The following LHFPL3 variants were observed in gnomAD, a reference collection of about 807,000 sequenced individuals.
The protein encoded by LHFPL3 is LHFPL tetraspan subfamily member 3 protein.
A neutral mutation model predicts 19.3 loss-of-function variants in LHFPL3; 5 were observed. The observed-to-expected ratio is 0.26, with a 90% CI of 0.14 to 0.54. The LOEUF (loss-of-function observed/expected upper bound fraction) is 0.54, where lower values mean the gene tolerates loss of function less well. Among genes scored for constraint, LHFPL3 ranks in the 20% least tolerant of loss-of-function variants. The probability of loss-of-function intolerance (pLI) is 0.94; values close to 1 mark genes in which losing one functional copy is unlikely to be tolerated. For synonymous variants in LHFPL3, 133 were observed against 126.2 expected, an observed-to-expected ratio of 1.05 and a Z score of -0.36; for missense variants, 249 against 307.4, an observed-to-expected ratio of 0.81 and a Z score of 1.42.
chr7:104,330,050 C>A (rs1182506412), intron 1 of LHFPL3, among the ~76,000 whole-genome samples: 1 of 152,182 alleles, frequency 6.6e-6, no homozygotes, highest in Non-Finnish European at 1.5e-5. Context: ...TAAATTGTTG[C>A]TAGCTGGAGG....
At chr7:104,471,596 G>C (rs1792906862) in intron 1 of LHFPL3, among the ~76,000 whole-genome samples, 1 of 152,180 alleles carries the variant, frequency 6.6e-6, no homozygotes, top group African/African-American at 2.4e-5. Context: ...GAAAATTACT[G>C]AAATTAACTT....
chr7:104,718,581 C>A (rs1009060873), intron 1 of LHFPL3, among the ~76,000 whole-genome samples: 4 of 152,244 alleles, frequency 2.6e-5, no homozygotes, highest in African/African-American at 9.6e-5. Context: ...AGTGAGAATG[C>A]CTCCCTCTCT....
At chr7:104,777,586 G>A (rs887026016) in intron 2 of LHFPL3, among the ~76,000 whole-genome samples, 1 of 152,090 alleles carries the variant, frequency 6.6e-6, no homozygotes, top group Non-Finnish European at 1.5e-5. Flanking sequence ...AATTCCCTTG[G>A]CCTGATGCAA....
chr7:104,480,906 A>C, intron 1 of LHFPL3, among the ~76,000 whole-genome samples: 1 of 152,198 alleles, frequency 6.6e-6, no homozygotes, highest in Non-Finnish European at 1.5e-5. Flanking sequence ...TTTAGCGAAC[A>C]GTGAGACTTA....
chr7:104,331,712 G>A (rs901678899), intron 1 of LHFPL3, among the ~76,000 whole-genome samples: 1 of 152,156 alleles, frequency 6.6e-6, no homozygotes, highest in African/African-American at 2.4e-5. Flanking sequence ...CACTTTGGGA[G>A]GCTGAGGTAG....
chr7:104,616,588 A>G (rs1024768974), intron 1 of LHFPL3, among the ~76,000 whole-genome samples: 12 of 152,246 alleles, frequency 7.9e-5, no homozygotes, highest in Admixed American at 4.6e-4. Context: ...GAAAGACTTC[A>G]TGACTAAAAC....
At chr7:104,899,474 G>A (rs543124274) in intron 2 of LHFPL3, among the ~76,000 whole-genome samples, 2 of 152,222 alleles carry the variant, frequency 1.3e-5, no homozygotes, top group Non-Finnish European at 2.9e-5. Context: ...GAGAGAGAGA[G>A]AGTACCTCTG....
intron 1 of LHFPL3, among the ~76,000 whole-genome samples, chr7:104,333,879 A>G (rs945642809): frequency 6.6e-6 from 1 of 152,238 alleles, no homozygotes; most frequent in East Asian, 1.9e-4. Context: ...GGTCAAAAGC[A>G]TGGAAACTGG....
intron 2 of LHFPL3, among the ~76,000 whole-genome samples, chr7:104,853,173 C>T (rs1157797717): frequency 6.6e-6 from 1 of 152,174 alleles, no homozygotes; most frequent in African/African-American, 2.4e-5. Context: ...ATCCAGTTAC[C>T]TAGTAGAGAT....
Position 104,736,867 on chromosome 7 carries a change from G to A in LHFPL3, c.638G>A (p.Arg213Gln), listed in dbSNP as rs545192770. The change falls in exon 2 of 3, where the codon CGA (arginine) becomes CAA (glutamine). Residue 213 changes from arginine to glutamine, a missense_variant. Transcript: ENST00000424859. ...LSFLAFVLGN[R>Q]QDSLMAEELK... is the part of the protein sequence containing the mutation. ...TTTCTAGCATTTGTGCTTGGTAATC[G>A]ACAAGACAGCTTGATGGCAGAGGAA... 97 of 1,611,160 alleles carry A rather than the reference G, an allele frequency of 6.0e-5. 1 individual carries two copies. Among genetic ancestry groups the A allele is most frequent in the Admixed American group, 1.0e-4 (6 of 59,548 alleles).
intron 1 of LHFPL3, among the ~76,000 whole-genome samples, chr7:104,456,258 G>A (rs1215086070): frequency 3.3e-5 from 5 of 152,120 alleles, no homozygotes; most frequent in East Asian, 1.9e-4. Flanking sequence ...AGATAGAGCC[G>A]TCAGCTGCTT....
intron 1 of LHFPL3, among the ~76,000 whole-genome samples, chr7:104,423,860 C>G (rs1275826785): frequency 6.6e-6 from 1 of 152,124 alleles, no homozygotes; most frequent in South Asian, 2.1e-4. Flanking sequence ...AACAAACAAA[C>G]AGAAAAACCA....
rs545792482 is a variant in LHFPL3 at position 104,856,647 on chromosome 7, T to C, written c.683-49540T>C. ...TCACTAATTTCAGTGTATTATTAAA[T>C]CTAAGGATCCAAAAATTATATTGTA... On this transcript the variant is annotated intron_variant, in intron 2 of 2. Transcript: ENST00000424859. 3.9e-5 allele frequency among the ~76,000 whole-genome samples: 6 copies of C among 152,344 alleles called. No individual in the cohort carries two copies. The South Asian group carries it at 1.2e-3, about 32-fold the overall frequency.
At chr7:104,693,696 C>CTTT (rs55922716) in intron 1 of LHFPL3, among the ~76,000 whole-genome samples, 1 of 140,552 alleles carries the variant, frequency 7.1e-6, no homozygotes, top group Non-Finnish European at 1.6e-5. Context: ...CTTTTCTTTT[C>CTTT]TTTTTTTTTT....
intron 2 of LHFPL3, among the ~76,000 whole-genome samples, chr7:104,784,862 G>A (rs936597697): frequency 6.6e-6 from 1 of 152,170 alleles, no homozygotes; most frequent in African/African-American, 2.4e-5. Flanking sequence ...GGGATCTAAA[G>A]TTGTCAAACT....
intron 2 of LHFPL3, among the ~76,000 whole-genome samples, chr7:104,794,286 T>C (rs1379287756): frequency 1.3e-5 from 2 of 152,210 alleles, no homozygotes; most frequent in Admixed American, 6.5e-5. Context: ...GCTGTCATCA[T>C]TGGCACATGA....
chr7:104,366,380 T>G (rs1311238393), intron 1 of LHFPL3, among the ~76,000 whole-genome samples: 2 of 152,210 alleles, frequency 1.3e-5, no homozygotes, highest in Admixed American at 6.5e-5. Context: ...ATCCCAGACC[T>G]TAGCATGTTG....
At chr7:104,516,733 G>C (rs771682391) in intron 1 of LHFPL3, among the ~76,000 whole-genome samples, 43 of 152,094 alleles carry the variant, frequency 2.8e-4, no homozygotes, top group Non-Finnish European at 4.4e-5. Flanking sequence ...GGAAGACAGT[G>C]TGATGATTCC....
chr7:104,390,864 A>G (rs917243700), intron 1 of LHFPL3, among the ~76,000 whole-genome samples: 2 of 152,154 alleles, frequency 1.3e-5, no homozygotes, highest in African/African-American at 4.8e-5. Context: ...TGACTTTTTA[A>G]TGATCGCCAT....
Sources: allele counts gnomAD v4.1 joint callset (sites outside exome capture counted in the v4.1 genomes callset), GRCh38; gene constraint gnomAD v4.1.1; transcripts MANE v1.5; gene names NCBI Gene and HGNC (gene_info 2026-07-23, HGNC 2026-07-21).